Variants in HYDIN observed in about 807,000 individuals in gnomAD.
The protein encoded by HYDIN is axonemal central pair apparatus protein HYDIN.
In HYDIN, 132 loss-of-function variants were observed where a neutral mutation model predicts 403.9. The ratio of observed to expected loss-of-function variants is 0.33; its 90% CI spans 0.28 to 0.38. HYDIN has a LOEUF of 0.38. Among genes scored for constraint, HYDIN ranks in the 10% least tolerant of loss-of-function variants. The probability of loss-of-function intolerance (pLI) is 1.00; values close to 1 mark genes in which losing one functional copy is unlikely to be tolerated. For synonymous variants in HYDIN, 1,202 were observed against 1,891.7 expected (o/e 0.64, Z 9.46); for missense variants, 2,827 against 5,009.5 (o/e 0.56, Z 13.15).
intron 18 of HYDIN, among the ~76,000 whole-genome samples, chr16:71,051,635 G>C (rs112203722): frequency 0.029 from 4,047 of 141,548 alleles, 38 homozygotes; most frequent in African/African-American, 0.1. Flanking sequence ...GACAGAGCGA[G>C]ACTCTGTCTC....
At chr16:70,931,709 C>T (rs2077339314) in intron 45 of HYDIN, among the ~76,000 whole-genome samples, 1 of 152,146 alleles carries the variant, frequency 6.6e-6, no homozygotes, top group Admixed American at 6.5e-5. Flanking sequence ...GGAAGGAAAT[C>T]TTCCGATTAG....
intron 10 of HYDIN, chr16:71,113,420 G>T (rs2083902700): frequency 6.6e-6 from 1 of 151,962 alleles, no homozygotes; most frequent in Non-Finnish European, 1.5e-5. Context: ...AATGCAGAAA[G>T]GTTTCCAGAG....
chr16:71,192,407 A>C (rs1001315720), intron 1 of HYDIN, among the ~76,000 whole-genome samples: 14 of 152,308 alleles, frequency 9.2e-5, no homozygotes, highest in African/African-American at 2.6e-4. Context: ...AAATTTGGTC[A>C]TGCCATTTCT....
chr16:71,061,899 A>T (rs1352406122), intron 17 of HYDIN, among the ~76,000 whole-genome samples: 7 of 123,144 alleles, frequency 5.7e-5, no homozygotes, highest in South Asian at 5.4e-4. Flanking sequence ...TGTGTGTCAG[A>T]GAGAGAGAGA....
chr16:71,139,683 A>T (rs1275743885), intron 7 of HYDIN, among the ~76,000 whole-genome samples: 1 of 152,044 alleles, frequency 6.6e-6, no homozygotes, highest in Non-Finnish European at 1.5e-5. Context: ...GTAGTTCAGA[A>T]AACACAAAAG....
intron 23 of HYDIN, among the ~76,000 whole-genome samples, chr16:70,997,992 CT>C (rs1477163204): frequency 1.4e-4 from 22 of 152,052 alleles, no homozygotes; most frequent in Non-Finnish European, 2.9e-4. Context: ...TTCTTCAGGC[CT>C]TGCATCTGGG....
chr16:71,225,405 G>A (rs560566959), intron 1 of HYDIN, among the ~76,000 whole-genome samples: 20 of 152,288 alleles, frequency 1.3e-4, no homozygotes, highest in Admixed American at 7.2e-4. Flanking sequence ...GTCATACCTA[G>A]GTAGAACACC....
chr16:71,116,487 A>T (rs2084039403), intron 9 of HYDIN, among the ~76,000 whole-genome samples: 2 of 152,098 alleles, frequency 1.3e-5, no homozygotes, highest in South Asian at 4.1e-4. Flanking sequence ...GCTGCAATGA[A>T]CATGGGGGTG....
At chr16:71,107,094 GA>G (rs1209107071) in intron 10 of HYDIN, among the ~76,000 whole-genome samples, 1 of 145,700 alleles carries the variant, frequency 6.9e-6, no homozygotes, top group East Asian at 2.1e-4. Flanking sequence ...TCATAGGTGG[GA>G]ATTGAACAAT....
At chr16:71,197,543 T>C (rs753714821) in intron 1 of HYDIN, among the ~76,000 whole-genome samples, 11 of 152,178 alleles carry the variant, frequency 7.2e-5, no homozygotes, top group Non-Finnish European at 1.6e-4. Context: ...AAGATTTTAT[T>C]GTGAAATATA....
intron 18 of HYDIN, among the ~76,000 whole-genome samples, chr16:71,056,577 T>A (rs563713299): frequency 3.3e-5 from 5 of 152,122 alleles, no homozygotes; most frequent in Non-Finnish European, 1.5e-5. Context: ...ACAGTGGTGC[T>A]GTGCTGTGTG....
At chr16:70,945,551 G>A (rs991184455) in intron 41 of HYDIN, among the ~76,000 whole-genome samples, 8 of 152,172 alleles carry the variant, frequency 5.3e-5, no homozygotes, top group South Asian at 2.1e-4. Context: ...GAGTGAGATC[G>A]CCTGCAAAGA....
At chr16:70,908,154 A>T (rs1013934739) in intron 49 of HYDIN, 98 bp downstream of exon 49, 26 of 1,007,278 alleles carry the variant, frequency 2.6e-5, no homozygotes, top group Non-Finnish European at 3.4e-5. Flanking sequence ...GTGCTGCCCC[A>T]GCTCCACGTT....
chr16:71,186,278 AAT>A (rs930572652), intron 2 of HYDIN, among the ~76,000 whole-genome samples: 5 of 152,126 alleles, frequency 3.3e-5, no homozygotes, highest in African/African-American at 2.4e-5. Context: ...TAAAGCTATA[AAT>A]ATGTTTTATT....
At chr16:71,191,009 G>A (rs1323860061) in intron 1 of HYDIN, among the ~76,000 whole-genome samples, 1 of 151,998 alleles carries the variant, frequency 6.6e-6, no homozygotes, top group African/African-American at 2.4e-5. Flanking sequence ...AGAAAAGAAG[G>A]GAAGGAGAGA....
At chr16:70,824,320 T>C (rs1295630117) in intron 83 of HYDIN, among the ~76,000 whole-genome samples, 1 of 151,942 alleles carries the variant, frequency 6.6e-6, no homozygotes, top group Non-Finnish European at 1.5e-5. Flanking sequence ...TCTCTCTGAA[T>C]GAGAAACCTT....
At chr16:71,150,995 C>T (rs13331166) in intron 7 of HYDIN, among the ~76,000 whole-genome samples, 4,585 of 152,222 alleles carry the variant, frequency 0.03, 198 homozygotes, top group African/African-American at 0.1. Flanking sequence ...CACTGATAGA[C>T]ATCGCTTTAC....
intron 37 of HYDIN, among the ~76,000 whole-genome samples, chr16:70,964,474 T>C (rs1161451222): frequency 6.6e-6 from 1 of 151,824 alleles, no homozygotes; most frequent in African/African-American, 2.4e-5. Context: ...TGTTCTTCCA[T>C]CTGTATTAGC....
chr16:70,947,212 C>T (rs1199730675), intron 41 of HYDIN, among the ~76,000 whole-genome samples: 2 of 150,350 alleles, frequency 1.3e-5, no homozygotes, highest in African/African-American at 2.4e-5. Flanking sequence ...GAGATACGTC[C>T]CATCAATACC....
Sources: gnomAD v4.1 joint callset for allele counts (sites outside exome capture counted in the v4.1 genomes callset) on GRCh38, gnomAD v4.1.1 for gene constraint, MANE v1.5 for transcripts, NCBI Gene and HGNC (gene_info 2026-07-23, HGNC 2026-07-21) for gene names.